Variants in IPO9 observed in about 807,000 individuals in gnomAD.
The protein encoded by IPO9 is importin-9.
IPO9 carries 28 observed loss-of-function variants against 128.6 expected under a neutral mutation model. The observed-to-expected ratio is 0.22, with a 90% CI of 0.16 to 0.30. The LOEUF (loss-of-function observed/expected upper bound fraction) is 0.30, where lower values mean the gene tolerates loss of function less well. Among genes scored for constraint, IPO9 ranks in the 10% least tolerant of loss-of-function variants. The pLI, the probability that IPO9 is intolerant of heterozygous loss-of-function variation, is 1.00. For missense variants in IPO9, 935 were observed against 1,293.9 expected, an observed-to-expected ratio of 0.72 and a Z score of 4.26; for synonymous variants, 455 against 475.8, an observed-to-expected ratio of 0.96 and a Z score of 0.57.
At chr1:201,830,168 C>A (rs1262800236) in intron 1 of IPO9, among the ~76,000 whole-genome samples, 1 of 152,196 alleles carries the variant, frequency 6.6e-6, no homozygotes, top group East Asian at 1.9e-4. Flanking sequence ...CCACAAAGAA[C>A]AATTTAATCC....
chr1:201,867,868 G>A (rs1202482726), intron 15 of IPO9, among the ~76,000 whole-genome samples: 2 of 152,104 alleles, frequency 1.3e-5, no homozygotes, highest in Non-Finnish European at 2.9e-5. Context: ...ACTGAAAAAT[G>A]TGTACTGAGG....
At position 201,876,857 on chromosome 1, in the gene IPO9, A is replaced by G. The variant is rs912092085; in HGVS notation, c.*803A>G. On this transcript the variant is annotated 3_prime_UTR_variant, in exon 24 of 24. Transcript: ENST00000361565. ...ACATTACCACAGAGTCTGATATTCAAAGGTTATCCCCTTTCCCTCAGGAAG... is the reference window on the plus strand; with the variant it reads ...ACATTACCACAGAGTCTGATATTCAGAGGTTATCCCCTTTCCCTCAGGAAG... The G allele has an allele frequency of 1.4e-4, 21 of 152,750 alleles. No individual in the cohort carries two copies. Among genetic ancestry groups the G allele is most frequent in the African/African-American group, 4.6e-4 (19 of 41,550 alleles). 9.5% of individuals were successfully genotyped at this position (152,750 alleles called of 1,614,324 possible).
At chr1:201,845,235 C>T (rs944640586) in intron 1 of IPO9, among the ~76,000 whole-genome samples, 19 of 152,174 alleles carry the variant, frequency 1.2e-4, no homozygotes, top group African/African-American at 4.1e-4. Context: ...AGGCTGGACT[C>T]GAACTCCAGA....
At chr1:201,850,541 G>C (rs559733272) in intron 4 of IPO9, 2 of 152,110 alleles carry the variant, frequency 1.3e-5, no homozygotes, top group Non-Finnish European at 2.9e-5. Flanking sequence ...CTTTTTCTTC[G>C]TTCTCAAAGA....
intron 14 of IPO9, among the ~76,000 whole-genome samples, chr1:201,865,061 C>T (rs562809650): frequency 8.5e-5 from 13 of 152,178 alleles, no homozygotes; most frequent in Non-Finnish European, 1.8e-4. Flanking sequence ...CTGTGGATCC[C>T]GATTAAGAAC....
At chr1:201,853,606 A>G (rs1238172000) in intron 6 of IPO9, among the ~76,000 whole-genome samples, 1 of 152,082 alleles carries the variant, frequency 6.6e-6, no homozygotes, top group Non-Finnish European at 1.5e-5. Context: ...GCTGGAATGC[A>G]GTGGCATGAT....
rs567808165 is a variant in IPO9, at chr1:201,836,479, G to A, written c.163+7107G>A. On this transcript the variant is annotated intron_variant, in intron 1 of 23. Transcript: ENST00000361565. ...TAGCTCACTGCAGCCTCAAACTCCT[G>A]GGCTCAAGTGATCCTTCCATGTTAG... is the stretch of plus-strand genomic sequence containing the variant. Among the ~76,000 whole-genome samples the A allele has an allele frequency of 5.3e-5, 8 of 152,244 alleles. No homozygotes were observed. In the East Asian group the frequency reaches 1.5e-3, roughly 29 times the overall value.
chr1:201,852,982 A>C, intron 5 of IPO9, 29 bp from the exon 6 acceptor site: 2 of 1,582,896 alleles, frequency 1.3e-6, no homozygotes, highest in Non-Finnish European at 1.7e-6. Context: ...TCTCGTGGCT[A>C]TGCTGTTATG....
At chr1:201,853,343 C>T (rs1394701611) in intron 6 of IPO9, among the ~76,000 whole-genome samples, 1 of 151,850 alleles carries the variant, frequency 6.6e-6, no homozygotes, top group African/African-American at 2.4e-5. Context: ...AAGTGATCCC[C>T]TGACCCCCAG....
chr1:201,844,441 A>G (rs1175898970), intron 1 of IPO9, among the ~76,000 whole-genome samples: 1 of 152,218 alleles, frequency 6.6e-6, no homozygotes, highest in Non-Finnish European at 1.5e-5. Flanking sequence ...GTCACACTTT[A>G]GAAGAAACTA....
At chr1:201,867,987 G>T (rs1250719434) in intron 15 of IPO9, among the ~76,000 whole-genome samples, 1 of 152,036 alleles carries the variant, frequency 6.6e-6, no homozygotes, top group Non-Finnish European at 1.5e-5. Flanking sequence ...GACATCTAGG[G>T]TATTCCCAAT....
chr1:201,864,512 G>A (rs1341350970), intron 14 of IPO9, among the ~76,000 whole-genome samples: 1 of 152,226 alleles, frequency 6.6e-6, no homozygotes, highest in East Asian at 1.9e-4. Context: ...GTTTTTCTGA[G>A]TTTGTACCTG....
chr1:201,857,315 ATTGGGG>A, intron 11 of IPO9, 121 bp downstream of exon 11: 1 of 663,366 alleles, frequency 1.5e-6, no homozygotes, highest in Non-Finnish European at 2.7e-6. Flanking sequence ...CTCAGACTTT[ATTGGGG>A]ATGCAAGAGA....
At chr1:201,845,117 A>G (rs1680103565) in intron 1 of IPO9, among the ~76,000 whole-genome samples, 1 of 152,096 alleles carries the variant, frequency 6.6e-6, no homozygotes, top group African/African-American at 2.4e-5. Context: ...CCTGGGTTCA[A>G]TTAATTCTCC....
intron 14 of IPO9, among the ~76,000 whole-genome samples, chr1:201,864,264 A>G (rs546623676): frequency 6.6e-6 from 1 of 152,326 alleles, no homozygotes; most frequent in Non-Finnish European, 1.5e-5. Flanking sequence ...GTTATATGTC[A>G]TTAGAAAGCA....
At chr1:201,861,346 A>G (rs754439979) in intron 13 of IPO9, among the ~76,000 whole-genome samples, 3 of 152,206 alleles carry the variant, frequency 2.0e-5, no homozygotes, top group Non-Finnish European at 4.4e-5. Flanking sequence ...AGCAATATGC[A>G]TTTAGTAGAA....
chr1:201,853,137 A>G (rs1310746481), intron 6 of IPO9, 40 bp downstream of exon 6: 3 of 1,542,030 alleles, frequency 1.9e-6, no homozygotes, highest in African/African-American at 1.4e-5. Flanking sequence ...TTCATGCTTA[A>G]AAGTTTTATT....
intron 21 of IPO9, 49 bp from the exon 22 acceptor site, chr1:201,874,783 A>G: frequency 1.5e-6 from 2 of 1,316,762 alleles, no homozygotes; most frequent in Non-Finnish European, 2.2e-6. Flanking sequence ...TTGGGGAGGG[A>G]AAATGCATGA....
rs565842339 is a variant in IPO9 at position 201,881,066 on chromosome 1, G to A, written c.*5012G>A. Reference sequence around the variant, plus strand: ...GAAAAGCATCTGTAGTATAATAAATGTGGGGAGTGCTGTGAGAGAAATAAG... The same window carrying A: ...GAAAAGCATCTGTAGTATAATAAATATGGGGAGTGCTGTGAGAGAAATAAG... On this transcript the variant is annotated 3_prime_UTR_variant, in exon 24 of 24. Transcript: ENST00000361565. 6.1e-4 allele frequency: 93 copies of A among 152,326 alleles called. No homozygotes were observed. Among genetic ancestry groups the A allele is most frequent in the African/African-American group, 2.1e-3 (89 of 41,570 alleles). The allele number at this position is 152,326 out of a possible 1,614,324, so 9.4% of individuals were successfully genotyped here. A position where few individuals can be genotyped will look rare whatever the true frequency, so the allele number is the denominator to read the frequency against.
Sources: allele counts gnomAD v4.1 joint callset (sites outside exome capture counted in the v4.1 genomes callset), GRCh38; gene constraint gnomAD v4.1.1; transcripts MANE v1.5; gene names NCBI Gene and HGNC (gene_info 2026-07-23, HGNC 2026-07-21).